Variants in ARHGEF12 observed in about 807,000 individuals in gnomAD.
ARHGEF12 encodes the protein Rho guanine nucleotide exchange factor 12.
Under a neutral mutation model 211.2 loss-of-function variants are expected in ARHGEF12, and 66 were observed. The ratio of observed to expected loss-of-function variants is 0.31; its 90% CI spans 0.26 to 0.38. The LOEUF is 0.38. Among genes scored for constraint, ARHGEF12 ranks in the 10% least tolerant of loss-of-function variants. ARHGEF12 has a pLI of 1.00. For synonymous variants in ARHGEF12, 592 were observed against 638.4 expected (o/e 0.93, Z 1.09); for missense variants, 1,429 against 1,869.5 (o/e 0.76, Z 4.34).
At chr11:120,344,397 C>T (rs1307187565) in intron 1 of ARHGEF12, among the ~76,000 whole-genome samples, 5 of 150,694 alleles carry the variant, frequency 3.3e-5, no homozygotes, top group Non-Finnish European at 5.9e-5. Flanking sequence ...ACCCCAAATA[C>T]ACTTGCTAAC....
chr11:120,453,236 A>G (rs1170648768), intron 22 of ARHGEF12, among the ~76,000 whole-genome samples: 1 of 152,188 alleles, frequency 6.6e-6, no homozygotes, highest in Non-Finnish European at 1.5e-5. Context: ...GATTTTGTCA[A>G]ATATGGAACT....
In ARHGEF12 at chr11:120,443,021, C is replaced by CTTT. The variant is rs371200953; in HGVS notation, c.1302+835_1302+837dup. ...TCTCCTGATGCTATGGAGTGACTGTCTTTTTTTTTTTTTTTTTTGAGACAG... is the reference window on the plus strand; with the variant it reads ...TCTCCTGATGCTATGGAGTGACTGTCTTTTTTTTTTTTTTTTTTTTTGAGACAG... On this transcript the variant is annotated intron_variant, in intron 15 of 40. Coordinates refer to ENST00000397843, the MANE Select transcript of ARHGEF12 (RefSeq NM_015313.3). Among the ~76,000 whole-genome samples the CTTT allele has an allele frequency of 1.9e-3, 255 of 133,694 alleles. 6 individuals carry two copies. The highest frequency in any genetic ancestry group is 7.6e-3 in the Middle Eastern group (2 of 262). The allele number at this position is 133,694 out of a possible 152,430, so 87.7% of individuals were successfully genotyped here.
chr11:120,457,848 C>A, intron 24 of ARHGEF12, 92 bp downstream of exon 24: 2 of 1,346,104 alleles, frequency 1.5e-6, no homozygotes, highest in South Asian at 1.3e-5. Context: ...GAAAAGAAAC[C>A]CTGTATACCA....
At chr11:120,406,683 C>T (rs12363975) in intron 2 of ARHGEF12, among the ~76,000 whole-genome samples, 6 of 151,990 alleles carry the variant, frequency 3.9e-5, no homozygotes, top group African/African-American at 1.2e-4. Flanking sequence ...CTCAGCCTCC[C>T]GAGTAGCTGG....
At chr11:120,423,668 C>G (rs975429774) in intron 6 of ARHGEF12, among the ~76,000 whole-genome samples, 6 of 151,880 alleles carry the variant, frequency 4.0e-5, no homozygotes, top group Admixed American at 3.9e-4. Flanking sequence ...TGTGTGTATA[C>G]TAGAAAAGTG....
chr11:120,450,722 T>G (rs1370457850), intron 21 of ARHGEF12: 1 of 152,042 alleles, frequency 6.6e-6, no homozygotes, highest in Non-Finnish European at 1.5e-5. Flanking sequence ...GGATGGGGAT[T>G]GGTCTGGATG....
intron 1 of ARHGEF12, among the ~76,000 whole-genome samples, chr11:120,352,458 C>T (rs1943012057): frequency 6.6e-6 from 1 of 152,054 alleles, no homozygotes; most frequent in South Asian, 2.1e-4. Context: ...CAAGAATCTG[C>T]GTGTGTTTAA....
In ARHGEF12 at chr11:120,479,970, G is replaced by A; in HGVS notation, c.3777G>A (p.Leu1259=). Residue 1259 remains leucine, a synonymous_variant, in exon 38 of 41, where the codon TTG becomes TTA. Coordinates refer to ENST00000397843, the MANE Select transcript of ARHGEF12 (RefSeq NM_015313.3). ...ALDALRNLGL[L]KQLLVQQLGL... Reference sequence around the variant, plus strand: ...TCCTAAATCGTTTAGTGGGTTTGTTGAAGCAGTTGCTGGTGCAACAGCTAG... The same window carrying A: ...TCCTAAATCGTTTAGTGGGTTTGTTAAAGCAGTTGCTGGTGCAACAGCTAG... The A allele has an allele frequency of 6.2e-7, 1 of 1,611,292 alleles. No individual in the cohort carries two copies. The highest frequency in any genetic ancestry group is 8.5e-7 in the Non-Finnish European group (1 of 1,177,822).
At chr11:120,476,552 A>G in intron 33 of ARHGEF12, 109 bp from the exon 34 acceptor site, 2 of 600,714 alleles carry the variant, frequency 3.3e-6, no homozygotes, top group East Asian at 2.9e-5. Context: ...AAGTAAATAT[A>G]TGTAACCTTT....
intron 30 of ARHGEF12, among the ~76,000 whole-genome samples, chr11:120,471,858 G>A (rs998952531): frequency 2.0e-5 from 3 of 152,138 alleles, no homozygotes; most frequent in African/African-American, 4.8e-5. Context: ...GTGGGGGAAT[G>A]TACATACCCT....
At chr11:120,426,258 A>C (rs1026745853) in intron 7 of ARHGEF12, among the ~76,000 whole-genome samples, 1 of 152,194 alleles carries the variant, frequency 6.6e-6, no homozygotes, top group Non-Finnish European at 1.5e-5. Context: ...ACATTTCTTT[A>C]GCTTTCTAGG....
intron 1 of ARHGEF12, 55 bp downstream of exon 1, chr11:120,337,330 G>A: frequency 1.2e-6 from 2 of 1,612,160 alleles, no homozygotes; most frequent in Non-Finnish European, 1.7e-6. Flanking sequence ...CGACCTAGCA[G>A]GGGAGTCGGT....
intron 20 of ARHGEF12, 48 bp downstream of exon 20, chr11:120,448,396 T>C: frequency 1.4e-6 from 2 of 1,437,090 alleles, no homozygotes; most frequent in Non-Finnish European, 1.9e-6. Flanking sequence ...AGGGCTTCTT[T>C]ACATTTGGTT....
chr11:120,484,580 G>A, intron 40 of ARHGEF12, 73 bp downstream of exon 40: 1 of 1,321,204 alleles, frequency 7.6e-7, no homozygotes, highest in Non-Finnish European at 1.1e-6. Flanking sequence ...ATCATACTTT[G>A]AAGTGAAAAC....
Position 120,458,236 on chromosome 11 carries a change from T to G in ARHGEF12, c.2380+2T>G. The G allele has an allele frequency of 6.2e-7, 1 of 1,613,378 alleles. No individual in the cohort carries two copies. Among genetic ancestry groups the G allele is most frequent in the Non-Finnish European group, 8.5e-7 (1 of 1,179,654 alleles). On this transcript the variant is annotated splice_donor_variant, in intron 25 of 40. Coordinates refer to ENST00000397843, the MANE Select transcript of ARHGEF12 (RefSeq NM_015313.3). LOFTEE classifies it high-confidence loss of function. ...TCAAAAGACAGGAAGTGATTAATGG[T>G]GAGTGTAATCAATTTGTTGTTGTTG...
At chr11:120,354,123 C>T (rs1045281024) in intron 1 of ARHGEF12, among the ~76,000 whole-genome samples, 1 of 152,020 alleles carries the variant, frequency 6.6e-6, no homozygotes, top group Non-Finnish European at 1.5e-5. Context: ...AGACCCTGGC[C>T]CCACAGAGAT....
chr11:120,378,954 A>G (rs1363922450), intron 1 of ARHGEF12, among the ~76,000 whole-genome samples: 1 of 152,178 alleles, frequency 6.6e-6, no homozygotes, highest in Non-Finnish European at 1.5e-5. Flanking sequence ...TTGCATTTCC[A>G]TATGAATGTT....
intron 1 of ARHGEF12, among the ~76,000 whole-genome samples, chr11:120,360,686 C>A (rs905842039): frequency 6.6e-6 from 1 of 152,184 alleles, no homozygotes; most frequent in Non-Finnish European, 1.5e-5. Flanking sequence ...AGCCACCATG[C>A]CTGGCCAGTA....
intron 1 of ARHGEF12, among the ~76,000 whole-genome samples, chr11:120,405,768 T>C (rs1045211598): frequency 2.6e-5 from 4 of 152,222 alleles, no homozygotes; most frequent in Admixed American, 6.5e-5. Flanking sequence ...TTCATAGAGA[T>C]TTCTTTTTTT....
Sources: allele counts gnomAD v4.1 joint callset (sites outside exome capture counted in the v4.1 genomes callset), GRCh38; gene constraint gnomAD v4.1.1; transcripts MANE v1.5; gene names NCBI Gene and HGNC (gene_info 2026-07-23, HGNC 2026-07-21).